PPP1R9A: variants seen among roughly 807,000 people sequenced by gnomAD.
PPP1R9A encodes the protein protein phosphatase 1 regulatory subunit 9A, also known as neurabin-1.
PPP1R9A carries 59 observed loss-of-function variants against 141.9 expected under a neutral mutation model. That is an observed-to-expected ratio of 0.42 (90% CI 0.34 to 0.52). The LOEUF is 0.52. PPP1R9A is among the 20% of genes least tolerant of loss of function. The pLI, the probability that PPP1R9A is intolerant of heterozygous loss-of-function variation, is 0.10. For synonymous variants in PPP1R9A, 500 were observed against 569.7 expected (o/e 0.88, Z 1.74); for missense variants, 1,444 against 1,611.9 (o/e 0.90, Z 1.78).
intron 2 of PPP1R9A, among the ~76,000 whole-genome samples, chr7:94,952,349 A>G (rs531332081): frequency 6.6e-6 from 1 of 152,142 alleles, no homozygotes; most frequent in African/African-American, 2.4e-5. Flanking sequence ...TATCCAGTCT[A>G]TCATTGATGG....
intron 12 of PPP1R9A, 110 bp downstream of exon 12, chr7:95,252,240 G>A: frequency 2.5e-6 from 3 of 1,204,984 alleles, no homozygotes; most frequent in Non-Finnish European, 2.2e-6. Context: ...TTCCTACTAT[G>A]GGAAAGAAGA....
At chr7:95,137,415 C>CAAAAAAA (rs33928009) in intron 4 of PPP1R9A, among the ~76,000 whole-genome samples, 35 of 91,488 alleles carry the variant, frequency 3.8e-4, no homozygotes, top group African/African-American at 1.4e-3. Flanking sequence ...GACATGAACT[C>CAAAAAAA]AAAAAAAAAA....
chr7:95,005,730 G>T (rs930598003), intron 2 of PPP1R9A, among the ~76,000 whole-genome samples: 3 of 152,132 alleles, frequency 2.0e-5, no homozygotes, highest in Non-Finnish European at 2.9e-5. Context: ...ATTTCTTTAA[G>T]ATCTTTGGTT....
intron 2 of PPP1R9A, among the ~76,000 whole-genome samples, chr7:94,949,803 A>T (rs931120767): frequency 1.3e-5 from 2 of 151,902 alleles, no homozygotes; most frequent in Non-Finnish European, 2.9e-5. Context: ...GCTCCTTTCC[A>T]CTGAGTGCTT....
chr7:95,135,742 T>C (rs1825537772), intron 4 of PPP1R9A, among the ~76,000 whole-genome samples: 1 of 152,064 alleles, frequency 6.6e-6, no homozygotes, highest in Non-Finnish European at 1.5e-5. Context: ...AAAAAATATT[T>C]GCCTTCTCAA....
intron 2 of PPP1R9A, among the ~76,000 whole-genome samples, chr7:95,032,034 T>C (rs776232313): frequency 3.3e-5 from 5 of 152,192 alleles, no homozygotes; most frequent in Non-Finnish European, 5.9e-5. Context: ...TCAAATCACT[T>C]TGGCAACCAT....
chr7:95,071,427 G>T (rs931190490), intron 2 of PPP1R9A, among the ~76,000 whole-genome samples: 1 of 151,776 alleles, frequency 6.6e-6, no homozygotes. Context: ...AGATCTTTAG[G>T]AATGTTTTAG....
chr7:95,172,396 T>G (rs1246099040), intron 5 of PPP1R9A, among the ~76,000 whole-genome samples: 1 of 151,824 alleles, frequency 6.6e-6, no homozygotes, highest in Admixed American at 6.6e-5. Context: ...CTACTTGAAC[T>G]GATAACTGAG....
At chr7:95,210,541 C>T (rs1283360999) in intron 7 of PPP1R9A, among the ~76,000 whole-genome samples, 1 of 151,912 alleles carries the variant, frequency 6.6e-6, no homozygotes, top group Non-Finnish European at 1.5e-5. Context: ...TCTCAGCTCA[C>T]TGCAACCTCC....
intron 7 of PPP1R9A, among the ~76,000 whole-genome samples, chr7:95,205,195 T>C (rs1455179934): frequency 1.3e-5 from 2 of 152,358 alleles, no homozygotes; most frequent in South Asian, 4.1e-4. Flanking sequence ...CTAAACAATG[T>C]CATCTTTTTG....
intron 5 of PPP1R9A, among the ~76,000 whole-genome samples, chr7:95,182,037 G>A (rs1833935470): frequency 6.6e-6 from 1 of 151,464 alleles, no homozygotes; most frequent in Non-Finnish European, 1.5e-5. Context: ...GGAAGGTTGG[G>A]GTGGCAAGGG....
At chr7:94,923,817 G>A (rs1423774778) in intron 2 of PPP1R9A, among the ~76,000 whole-genome samples, 2 of 152,094 alleles carry the variant, frequency 1.3e-5, no homozygotes, top group African/African-American at 4.8e-5. Context: ...TTCTGAAATT[G>A]GAAGTTTAAA....
chr7:95,257,491 A>G (rs1799755855), intron 12 of PPP1R9A, among the ~76,000 whole-genome samples: 1 of 151,822 alleles, frequency 6.6e-6, no homozygotes, highest in African/African-American at 2.4e-5. Flanking sequence ...TCTTAGAAGA[A>G]AATGTGGGAT....
intron 2 of PPP1R9A, among the ~76,000 whole-genome samples, chr7:95,075,506 T>G (rs938946744): frequency 3.3e-5 from 5 of 152,072 alleles, no homozygotes; most frequent in Non-Finnish European, 7.4e-5. Flanking sequence ...AATTTGGGGC[T>G]TATATACCAA....
At chr7:94,992,097 G>T (rs991635280) in intron 2 of PPP1R9A, among the ~76,000 whole-genome samples, 2 of 152,210 alleles carry the variant, frequency 1.3e-5, no homozygotes, top group Non-Finnish European at 2.9e-5. Context: ...TCATAGCAAT[G>T]AGGAAAATGA....
intron 12 of PPP1R9A, among the ~76,000 whole-genome samples, chr7:95,257,927 T>A (rs1208016482): frequency 2.0e-5 from 3 of 152,206 alleles, no homozygotes; most frequent in Non-Finnish European, 4.4e-5. Flanking sequence ...TGTTGGACAT[T>A]TGGGTTGGTT....
At chr7:95,082,317 G>A (rs1768997392) in intron 2 of PPP1R9A, among the ~76,000 whole-genome samples, 2 of 152,206 alleles carry the variant, frequency 1.3e-5, no homozygotes, top group South Asian at 2.1e-4. Flanking sequence ...TTACATGCAT[G>A]TGTAGAGCTG....
At chr7:95,121,813 AATAAATCCACTTCCATGAT>A (rs1822664528) in intron 4 of PPP1R9A, among the ~76,000 whole-genome samples, 1 of 152,136 alleles carries the variant, frequency 6.6e-6, no homozygotes, top group Non-Finnish European at 1.5e-5. Flanking sequence ...CTCTCAAAGA[AATAAATCCACTTCCATGAT>A]AATGACATTG....
At chr7:95,209,748 GCA>G (rs1791679405) in intron 7 of PPP1R9A, among the ~76,000 whole-genome samples, 1 of 152,066 alleles carries the variant, frequency 6.6e-6, no homozygotes, top group South Asian at 2.1e-4. Flanking sequence ...TGATCTGATA[GCA>G]TTTTTGCAAT....
Sources: gnomAD v4.1 joint callset for allele counts (sites outside exome capture counted in the v4.1 genomes callset) on GRCh38, gnomAD v4.1.1 for gene constraint, MANE v1.5 for transcripts, NCBI Gene and HGNC (gene_info 2026-07-23, HGNC 2026-07-21) for gene names.